Variants in THSD7B observed in about 807,000 individuals in gnomAD.
THSD7B encodes thrombospondin type-1 domain-containing protein 7B.
Under a neutral mutation model 213.6 loss-of-function variants are expected in THSD7B, and 138 were observed. That is an observed-to-expected ratio of 0.65 (90% confidence interval 0.56 to 0.74). The LOEUF (loss-of-function observed/expected upper bound fraction) is 0.74, where lower values mean the gene tolerates loss of function less well. Ranked by LOEUF, THSD7B falls within the 30% of genes least tolerant of loss-of-function variation. THSD7B has a pLI of 0.00. For synonymous variants in THSD7B, 742 were observed against 687.0 expected (o/e 1.08, Z -1.25); for missense variants, 1,931 against 1,991.5 (o/e 0.97, Z 0.58).
intron 12 of THSD7B, among the ~76,000 whole-genome samples, chr2:137,309,611 T>A (rs980553238): frequency 6.6e-6 from 1 of 152,072 alleles, no homozygotes; most frequent in Admixed American, 6.5e-5. Context: ...ACCCACTACC[T>A]CGTCATCTAG....
chr2:137,095,959 C>G (rs1688032264), intron 4 of THSD7B, among the ~76,000 whole-genome samples: 1 of 152,176 alleles, frequency 6.6e-6, no homozygotes, highest in East Asian at 1.9e-4. Flanking sequence ...ACCTCAGCTT[C>G]TCAAAGTGCT....
chr2:136,885,757 T>C (rs917161975), intron 2 of THSD7B, among the ~76,000 whole-genome samples: 6 of 152,082 alleles, frequency 3.9e-5, no homozygotes, highest in African/African-American at 9.7e-5. Flanking sequence ...TACAAGTACA[T>C]GAGATAAATT....
At chr2:137,400,845 T>C (rs754843310) in intron 12 of THSD7B, among the ~76,000 whole-genome samples, 1 of 151,892 alleles carries the variant, frequency 6.6e-6, no homozygotes, top group Non-Finnish European at 1.5e-5. Flanking sequence ...TCCTGTGCTG[T>C]GTCCTGGAGC....
chr2:136,888,944 G>GGTGTGT (rs5834520), intron 2 of THSD7B, among the ~76,000 whole-genome samples: 13 of 72,872 alleles, frequency 1.8e-4, no homozygotes, highest in South Asian at 7.2e-4. Flanking sequence ...TGTCTTTTGG[G>GGTGTGT]GTGTGTGTGT....
rs1681677401 is a variant in THSD7B at position 137,232,997 on chromosome 2, C to T, written c.2014C>T (p.Pro672Ser). The T allele has an allele frequency of 1.2e-6, 2 of 1,613,908 alleles. No homozygotes were observed. Among genetic ancestry groups the T allele is most frequent in the East Asian group, 2.2e-5 (1 of 44,880 alleles). Residue 672 changes from proline to serine, a missense_variant, in exon 9 of 28, where the codon CCT (proline) becomes TCT (serine). Coordinates refer to ENST00000409968, the MANE Select transcript of THSD7B (RefSeq NM_001316349.2). ...TCACTGGGAGACATCGCCTTGGGGC[C>T]CTTGTTCTGAGGACACATTGGTAAC... Reference protein sequence around the residue: ...QLHWETSPWGPCSEDTLVTAL... With the variant: ...QLHWETSPWGSCSEDTLVTAL...
chr2:137,513,343 A>T (rs1368965804), intron 15 of THSD7B, among the ~76,000 whole-genome samples: 2 of 152,204 alleles, frequency 1.3e-5, no homozygotes, highest in Admixed American at 1.3e-4. Context: ...AATTAATTAC[A>T]TTGCTATAGG....
chr2:137,200,655 A>AT (rs902491909), intron 7 of THSD7B, among the ~76,000 whole-genome samples: 29 of 148,976 alleles, frequency 1.9e-4, no homozygotes, highest in South Asian at 1.1e-3. Flanking sequence ...TGTAACCACT[A>AT]TTTTTTTTTT....
intron 12 of THSD7B, among the ~76,000 whole-genome samples, chr2:137,352,471 C>T (rs1295867794): frequency 2.0e-5 from 3 of 151,920 alleles, no homozygotes; most frequent in South Asian, 2.1e-4. Context: ...GAAGTTGGCT[C>T]GTGGGTTAAG....
chr2:136,789,507 C>G (rs1347614031), intron 1 of THSD7B, among the ~76,000 whole-genome samples: 1 of 152,028 alleles, frequency 6.6e-6, no homozygotes, highest in African/African-American at 2.4e-5. Context: ...TTATTCTTTT[C>G]TAGCTATTTT....
At chr2:136,903,657 A>G (rs1684099100) in intron 2 of THSD7B, among the ~76,000 whole-genome samples, 1 of 152,126 alleles carries the variant, frequency 6.6e-6, no homozygotes, top group Non-Finnish European at 1.5e-5. Context: ...AACCCAAAGG[A>G]TCAGTGATTC....
chr2:137,418,782 T>G (rs1686855160), intron 14 of THSD7B, among the ~76,000 whole-genome samples: 1 of 152,196 alleles, frequency 6.6e-6, no homozygotes, highest in African/African-American at 2.4e-5. Context: ...TGAGGACATG[T>G]GATATTTGTC....
In THSD7B at chr2:137,490,637, A is replaced by G. The variant is rs551494239; in HGVS notation, c.3138+39614A>G. On this transcript the variant is annotated intron_variant, in intron 15 of 27. Coordinates refer to ENST00000409968, the MANE Select transcript of THSD7B (RefSeq NM_001316349.2). ...TGACACAAATTATCAGGCAAAATCT[A>G]TAGTTTACATTAGGGTTCACTCTTG... Among the ~76,000 whole-genome samples the G allele has an allele frequency of 3.3e-5, 5 of 152,262 alleles. No individual in the cohort carries two copies. In the South Asian group the frequency reaches 8.3e-4, roughly 25 times the overall value.
At chr2:137,515,455 A>G (rs1680049939) in intron 15 of THSD7B, among the ~76,000 whole-genome samples, 1 of 152,080 alleles carries the variant, frequency 6.6e-6, no homozygotes, top group African/African-American at 2.4e-5. Context: ...CCTATAACTA[A>G]ACTAAAATCC....
intron 1 of THSD7B, among the ~76,000 whole-genome samples, chr2:136,814,791 A>G (rs1014047907): frequency 1.3e-5 from 2 of 152,190 alleles, no homozygotes; most frequent in African/African-American, 4.8e-5. Context: ...CAGCTATAAA[A>G]TTGCCAACCC....
At position 137,411,740 on chromosome 2, in the gene THSD7B, A is replaced by G; in HGVS notation, c.2827A>G (p.Arg943Gly). The change falls in exon 14 of 28, where the codon AGA becomes GGA. Residue 943 changes from arginine to glycine, a missense_variant. Physicochemically the swap from Arg to Gly is moderately radical, Grantham distance 125. Transcript: ENST00000409968. The part of the protein sequence containing the change: ...NWSDCILPEG[R>G]REPHRGLRVQ... ...GTCAGATTGCATTCTTCCAGAAGGC[A>G]GAAGGGAGCCTCACCGAGGACTGCG... 1 of 1,614,006 alleles carries G rather than the reference A, an allele frequency of 6.2e-7. No homozygotes were observed. The highest frequency in any genetic ancestry group is 8.5e-7 in the Non-Finnish European group (1 of 1,179,900).
intron 1 of THSD7B, among the ~76,000 whole-genome samples, chr2:136,823,449 A>G (rs1337202527): frequency 6.6e-6 from 1 of 152,148 alleles, no homozygotes; most frequent in African/African-American, 2.4e-5. Context: ...GGACTCCTTA[A>G]CATGATCGGT....
At chr2:137,472,948 T>C (rs1688121202) in intron 15 of THSD7B, among the ~76,000 whole-genome samples, 1 of 152,192 alleles carries the variant, frequency 6.6e-6, no homozygotes, top group Admixed American at 6.5e-5. Context: ...AAAATCATAC[T>C]CATTAATATC....
chr2:136,998,909 GACACAC>G (rs57138045), intron 2 of THSD7B, among the ~76,000 whole-genome samples: 10,441 of 129,790 alleles, frequency 0.08, 479 homozygotes, highest in African/African-American at 0.14. Flanking sequence ...ATACCCAACA[GACACAC>G]ACACACACAC....
chr2:137,015,679 T>A (rs112938017), intron 2 of THSD7B, among the ~76,000 whole-genome samples: 21 of 152,230 alleles, frequency 1.4e-4, no homozygotes, highest in African/African-American at 5.1e-4. Flanking sequence ...GTCCTCACTA[T>A]TTTGGAACCA....
Sources: allele counts gnomAD v4.1 joint callset (sites outside exome capture counted in the v4.1 genomes callset), GRCh38; gene constraint gnomAD v4.1.1; transcripts MANE v1.5; gene names NCBI Gene and HGNC (gene_info 2026-07-23, HGNC 2026-07-21).